Variants in DEPTOR observed in about 807,000 individuals in gnomAD.
DEPTOR encodes the protein DEP domain containing MTOR interacting protein, also known as DEP domain-containing mTOR-interacting protein.
In DEPTOR, 41 loss-of-function variants were observed where a neutral mutation model predicts 41.6. That is an observed-to-expected ratio of 0.98 (90% CI 0.77 to 1.28). DEPTOR has a LOEUF of 1.28. Ranked by LOEUF, DEPTOR falls within the 50% of genes most tolerant of loss-of-function variation. The pLI, the probability that DEPTOR is intolerant of heterozygous loss-of-function variation, is 0.00. For missense variants in DEPTOR, 514 were observed against 527.9 expected (o/e 0.97, Z 0.26); for synonymous variants, 195 against 192.3 (o/e 1.01, Z -0.12).
At chr8:119,892,442 T>C (rs1472845196) in intron 1 of DEPTOR, among the ~76,000 whole-genome samples, 7 of 152,232 alleles carry the variant, frequency 4.6e-5, no homozygotes, top group African/African-American at 1.4e-4. Flanking sequence ...TAAATATAAG[T>C]AATAGTAATG....
In DEPTOR at chr8:119,976,386, G is replaced by GAT. The variant is rs755737846; in HGVS notation, c.604+10987_604+10988dup. 6.3e-4 allele frequency among the ~76,000 whole-genome samples: 95 copies of GAT among 151,840 alleles called. 1 individual carries two copies. Among genetic ancestry groups the GAT allele is most frequent in the East Asian group, 1.9e-3 (10 of 5,162 alleles). ...TATATGTCGTATCAGCAAAAAATACGATATATATATATCGTATCAGCAAAA... is the reference window on the plus strand; with the variant it reads ...TATATGTCGTATCAGCAAAAAATACGATATATATATATATCGTATCAGCAAAA... On this transcript the variant is annotated intron_variant, in intron 4 of 8. Transcript: ENST00000286234.
At chr8:120,043,340 T>C (rs1416963785) in intron 8 of DEPTOR, among the ~76,000 whole-genome samples, 1 of 152,150 alleles carries the variant, frequency 6.6e-6, no homozygotes, top group Non-Finnish European at 1.5e-5. Flanking sequence ...TTTGAAGGCA[T>C]TATTTTTTGC....
chr8:119,907,039 C>T (rs1481834016), intron 1 of DEPTOR, among the ~76,000 whole-genome samples: 1 of 152,166 alleles, frequency 6.6e-6, no homozygotes, highest in African/African-American at 2.4e-5. Context: ...TATTCTTCCT[C>T]CCACCGTGGC....
At chr8:119,900,569 T>C (rs1827577762) in intron 1 of DEPTOR, among the ~76,000 whole-genome samples, 1 of 151,506 alleles carries the variant, frequency 6.6e-6, no homozygotes, top group Non-Finnish European at 1.5e-5. Flanking sequence ...AATTTTTTTT[T>C]GGAATGACAA....
chr8:119,879,911 A>C (rs1443301031), intron 1 of DEPTOR, among the ~76,000 whole-genome samples: 1 of 152,138 alleles, frequency 6.6e-6, no homozygotes, highest in Non-Finnish European at 1.5e-5. Flanking sequence ...TGGTAGGCTG[A>C]GGCGAGTGGA....
chr8:119,959,164 T>TC (rs943990471), intron 3 of DEPTOR, among the ~76,000 whole-genome samples: 7 of 142,854 alleles, frequency 4.9e-5, no homozygotes, highest in African/African-American at 1.8e-4. Flanking sequence ...CTTTCTTTTT[T>TC]TTTTTTTTTT....
chr8:119,874,006 A>C, intron 1 of DEPTOR, 38 bp downstream of exon 1: 1 of 1,611,624 alleles, frequency 6.2e-7, no homozygotes, highest in East Asian at 2.2e-5. Flanking sequence ...TCACGATGGC[A>C]CTGCCAACGC....
At chr8:119,923,371 G>A (rs1328056269) in intron 1 of DEPTOR, among the ~76,000 whole-genome samples, 1 of 151,924 alleles carries the variant, frequency 6.6e-6, no homozygotes, top group Non-Finnish European at 1.5e-5. Context: ...AGCCTCCCAA[G>A]TAGCTGGGAT....
chr8:119,959,616 T>C (rs913085217), intron 3 of DEPTOR, among the ~76,000 whole-genome samples: 3 of 151,920 alleles, frequency 2.0e-5, no homozygotes, highest in Admixed American at 2.0e-4. Context: ...AACCTCTGCC[T>C]GCCAGGTTCA....
intron 1 of DEPTOR, among the ~76,000 whole-genome samples, chr8:119,908,701 A>C (rs13275524): frequency 0.5 from 75,777 of 151,764 alleles, 20,616 homozygotes; most frequent in East Asian, 0.92. Context: ...GGGTTTCACC[A>C]TGTTGGCCAG....
chr8:119,929,643 T>C (rs1429992512), intron 2 of DEPTOR, among the ~76,000 whole-genome samples, 172 bp from the exon 3 acceptor site: 2 of 152,200 alleles, frequency 1.3e-5, no homozygotes, highest in Non-Finnish European at 2.9e-5. Context: ...GGACTTACTC[T>C]GTACCAAGTA....
intron 8 of DEPTOR, among the ~76,000 whole-genome samples, chr8:120,041,294 A>C (rs1813065666): frequency 6.6e-6 from 1 of 152,214 alleles, no homozygotes; most frequent in South Asian, 2.1e-4. Context: ...AGCCTATAAG[A>C]ACAAATGTGC....
intron 1 of DEPTOR, among the ~76,000 whole-genome samples, chr8:119,895,722 T>C (rs551871118): frequency 1.3e-5 from 2 of 152,298 alleles, no homozygotes; most frequent in African/African-American, 2.4e-5. Context: ...CACCAATTCC[T>C]TGGGTCCCTC....
At chr8:120,018,928 C>A (rs1009149056) in intron 8 of DEPTOR, among the ~76,000 whole-genome samples, 1 of 152,188 alleles carries the variant, frequency 6.6e-6, no homozygotes, top group African/African-American at 2.4e-5. Flanking sequence ...ACTCACTATT[C>A]ACTGACCACT....
chr8:119,963,395 G>T (rs1259612683), intron 3 of DEPTOR, among the ~76,000 whole-genome samples: 32 of 151,912 alleles, frequency 2.1e-4, no homozygotes, highest in Admixed American at 2.1e-3. Context: ...CTGTCACTCA[G>T]GCTGGAGTGC....
At chr8:119,927,725 C>T (rs1429159830) in intron 1 of DEPTOR, among the ~76,000 whole-genome samples, 1 of 151,822 alleles carries the variant, frequency 6.6e-6, no homozygotes, top group Non-Finnish European at 1.5e-5. Flanking sequence ...TCTCCTGCCT[C>T]AGCCTCTTGA....
intron 4 of DEPTOR, among the ~76,000 whole-genome samples, chr8:119,982,095 T>A (rs1025413589): frequency 6.6e-6 from 1 of 151,728 alleles, no homozygotes; most frequent in Non-Finnish European, 1.5e-5. Context: ...AGAACAATAT[T>A]ATTAATGCTA....
At chr8:119,873,997 C>A (rs1827198944) in intron 1 of DEPTOR, 29 bp downstream of exon 1, 1 of 1,611,824 alleles carries the variant, frequency 6.2e-7, no homozygotes, top group African/African-American at 1.3e-5. Context: ...CGGGTGAGCT[C>A]ACGATGGCAC....
chr8:120,027,511 C>T (rs926262293), intron 8 of DEPTOR, among the ~76,000 whole-genome samples: 3 of 151,300 alleles, frequency 2.0e-5, no homozygotes, highest in Non-Finnish European at 2.9e-5. Flanking sequence ...TTGAGACCAG[C>T]CTGGCCAACA....
Sources: allele counts gnomAD v4.1 joint callset (sites outside exome capture counted in the v4.1 genomes callset), GRCh38; gene constraint gnomAD v4.1.1; transcripts MANE v1.5; gene names NCBI Gene and HGNC (gene_info 2026-07-23, HGNC 2026-07-21).